Variants in LIPG observed in about 807,000 individuals in gnomAD.
The protein encoded by LIPG is lipase G, endothelial type, also known as endothelial lipase.
A neutral mutation model predicts 51.8 loss-of-function variants in LIPG; 34 were observed. That is an observed-to-expected ratio of 0.66 (90% CI 0.50 to 0.87). The LOEUF is 0.87. LIPG is among the 40% of genes least tolerant of loss of function. The pLI is 0.00. For missense variants in LIPG, 580 were observed against 652.7 expected (o/e 0.89, Z 1.21); for synonymous variants, 246 against 246.1 (o/e 1.00, Z 0.00).
rs2084556248 is a variant in LIPG at position 49,562,121 on chromosome 18, T to C, written c.-188T>C. 6.9e-7 allele frequency: 1 copy of C among 1,457,612 alleles called. No homozygotes were observed. Among genetic ancestry groups the C allele is most frequent in the Admixed American group, 2.5e-5 (1 of 39,242 alleles). 90.3% of individuals were successfully genotyped at this position (1,457,612 alleles called of 1,614,324 possible). ...CAGATCTCGTTCTGGGGCAAGCCGT[T>C]GACACTCGCTCCCTGCCACCGCCCG... On this transcript the variant is annotated 5_prime_UTR_variant, in exon 1 of 10. Transcript: ENST00000261292.
At chr18:49,571,229 C>G (rs1184253686) in intron 4 of LIPG, among the ~76,000 whole-genome samples, 3 of 152,182 alleles carry the variant, frequency 2.0e-5, no homozygotes, top group Non-Finnish European at 4.4e-5. Context: ...CTTCCTAGCC[C>G]CTGAATGAGA....
At chr18:49,565,963 C>T (rs138459285) in intron 2 of LIPG, among the ~76,000 whole-genome samples, 110 of 152,336 alleles carry the variant, frequency 7.2e-4, no homozygotes, top group Middle Eastern at 3.4e-3. Flanking sequence ...TTTAAAGGCA[C>T]TGGGGCTCTT....
chr18:49,586,760 C>CA lies in LIPG; in HGVS notation c.1392dup (p.Glu465ArgfsTer4), dbSNP rs1197563708. 6.2e-7 allele frequency: 1 copy of CA among 1,613,618 alleles called. No individual in the cohort carries two copies. Among genetic ancestry groups the CA allele is most frequent in the East Asian group, 2.2e-5 (1 of 44,894 alleles). ...TTCCCTCCTAGACTGACATTTTGTA[C>CA]AGAAGACCCTGAGAACACCAGCATA... On this transcript the variant is annotated frameshift_variant, in exon 9 of 10. Coordinates refer to ENST00000261292, the MANE Select transcript of LIPG (RefSeq NM_006033.4). LOFTEE classifies it high-confidence loss of function.
Position 49,575,475 on chromosome 18 carries a change from C to T in LIPG, c.678C>T (p.Phe226=), listed in dbSNP as rs578235397. The part of the protein sequence containing the change: ...VDVLHTYTRS[F]GLSIGIQMPV... ...TCCTCCACACCTACACGCGTTCCTT[C>T]GGCTTGAGCATTGGTATTCAGATGC... Residue 226 remains phenylalanine, a synonymous_variant, in exon 5 of 10, where the codon TTC becomes TTT. Coordinates refer to ENST00000261292, the MANE Select transcript of LIPG (RefSeq NM_006033.4). The T allele has an allele frequency of 1.2e-5, 19 of 1,614,220 alleles. No individual in the cohort carries two copies. The Admixed American group carries it at 1.5e-4, about 13-fold the overall frequency.
At chr18:49,567,827 T>C in intron 3 of LIPG, 1 of 569,024 alleles carries the variant, frequency 1.8e-6, no homozygotes, top group Admixed American at 3.4e-5. Flanking sequence ...GATAGATCTC[T>C]GGATTTTTCC....
At position 49,562,098 on chromosome 18, in the gene LIPG, G is replaced by A; in HGVS notation, c.-211G>A. On this transcript the variant is annotated 5_prime_UTR_variant, in exon 1 of 10. Transcript: ENST00000261292. ...CTCCCGGCGGCTCAGGACGAGGGCA[G>A]ATCTCGTTCTGGGGCAAGCCGTTGA... is the stretch of plus-strand genomic sequence containing the variant. The A allele has an allele frequency of 6.9e-7, 1 of 1,449,554 alleles. No individual in the cohort carries two copies. Among genetic ancestry groups the A allele is most frequent in the Non-Finnish European group, 9.0e-7 (1 of 1,109,842 alleles). The allele number at this position is 1,449,554 out of a possible 1,614,324, so 89.8% of individuals were successfully genotyped here. A position where few individuals can be genotyped will look rare whatever the true frequency, so the allele number is the denominator to read the frequency against.
chr18:49,574,101 C>T (rs2084691058), intron 4 of LIPG, among the ~76,000 whole-genome samples: 1 of 152,206 alleles, frequency 6.6e-6, no homozygotes, highest in Non-Finnish European at 1.5e-5. Flanking sequence ...AGCGGCCCTT[C>T]CTTCCTGGCA....
chr18:49,562,057 A>T lies in LIPG; in HGVS notation c.-252A>T. ...AAAACTACCTCTATAGGAGCGTGAC[A>T]GCAGCGAGTCCTTGCCTCCCGGCGG... is the stretch of plus-strand genomic sequence containing the variant. On this transcript the variant is annotated 5_prime_UTR_variant, in exon 1 of 10. Transcript: ENST00000261292. 6.9e-7 allele frequency: 1 copy of T among 1,439,882 alleles called. No homozygotes were observed. Among genetic ancestry groups the T allele is most frequent in the Non-Finnish European group, 9.1e-7 (1 of 1,104,900 alleles). The allele number at this position is 1,439,882 out of a possible 1,614,324, so 89.2% of individuals were successfully genotyped here. A position where few individuals can be genotyped will look rare whatever the true frequency, so the allele number is the denominator to read the frequency against.
chr18:49,561,557 G>C, upstream of LIPG: 1 of 706,328 alleles, frequency 1.4e-6, no homozygotes, highest in Non-Finnish European at 2.0e-6. Context: ...TGCGGCCCTC[G>C]CTAGGCGGGA....
At chr18:49,564,227 A>G (rs1305810605) in intron 1 of LIPG, among the ~76,000 whole-genome samples, 1 of 152,032 alleles carries the variant, frequency 6.6e-6, no homozygotes, top group Admixed American at 6.6e-5. Flanking sequence ...TAACTCCAAG[A>G]TGGTCATTTG....
At chr18:49,561,775 AG>A, upstream of LIPG, 2 of 1,251,174 alleles carry the variant, frequency 1.6e-6, no homozygotes, top group Non-Finnish European at 2.0e-6. Flanking sequence ...CAGTGGGGAG[AG>A]GAGGATCTGG....
At position 49,575,359 on chromosome 18, in the gene LIPG, T is replaced by C. The variant is rs368834078; in HGVS notation, c.572-10T>C. 3.7e-5 allele frequency: 59 copies of C among 1,611,678 alleles called. No individual in the cohort carries two copies. The highest frequency in any genetic ancestry group is 4.1e-5 in the Non-Finnish European group (48 of 1,179,776). ...CACCACAGCTGTTTTGGGGCCTCCT[T>C]CTGCTGCAGGTTTGGATCCTGCCGG... On this transcript the variant is annotated splice_polypyrimidine_tract_variant and intron_variant, in intron 4 of 9. Transcript: ENST00000261292.
intron 9 of LIPG, among the ~76,000 whole-genome samples, chr18:49,587,555 T>C (rs1424022482): frequency 4.2e-4 from 45 of 107,600 alleles, no homozygotes; most frequent in African/African-American, 1.7e-3. Flanking sequence ...GGTGACAGAG[T>C]GAGACTCCGT....
chr18:49,578,869 AGGCGTGGTGGCGCGTGCCTGCAATCGC>A (rs2084765988), intron 5 of LIPG, among the ~76,000 whole-genome samples: 2 of 137,522 alleles, frequency 1.5e-5, no homozygotes, highest in Non-Finnish European at 3.1e-5. Flanking sequence ...AAAACCAGTC[AGGCGTGGTGGCGCGTGCCTGCAATCGC>A]AGGCACTCGG....
chr18:49,564,872 C>G (rs1190913159), intron 1 of LIPG, among the ~76,000 whole-genome samples: 3 of 152,148 alleles, frequency 2.0e-5, no homozygotes, highest in Non-Finnish European at 4.4e-5. Context: ...GGGGAATAGC[C>G]CAGGCCCCAC....
Position 49,598,289 on chromosome 18 carries a change from G to A in LIPG, c.*7767G>A, listed in dbSNP as rs1445387789. 6.6e-6 allele frequency: 1 copy of A among 152,390 alleles called. No individual in the cohort carries two copies. The highest frequency in any genetic ancestry group is 2.4e-5 in the African/African-American group (1 of 41,420). 9.4% of individuals were successfully genotyped at this position (152,390 alleles called of 1,614,324 possible). A position where few individuals can be genotyped will look rare whatever the true frequency, so the allele number is the denominator to read the frequency against. ...TGCTCACTGCAGCCTCGACCTCCTG[G>A]GCTCAAGCAGTCCTCCCACTTCAGC... On this transcript the variant is annotated 3_prime_UTR_variant, in exon 10 of 10. Transcript: ENST00000261292.
Position 49,591,578 on chromosome 18 carries a change from C to G in LIPG, c.*1056C>G, listed in dbSNP as rs961285849. 3 of 152,222 alleles carry G rather than the reference C, an allele frequency of 2.0e-5. No individual in the cohort carries two copies. The South Asian group carries it at 6.2e-4, about 32-fold the overall frequency. 9.4% of individuals were successfully genotyped at this position (152,222 alleles called of 1,614,324 possible). On this transcript the variant is annotated 3_prime_UTR_variant, in exon 10 of 10. Coordinates refer to ENST00000261292, the MANE Select transcript of LIPG (RefSeq NM_006033.4). ...TACACAGAAACCGGCACCTGCCAGA[C>G]AGAGCTGGTTCTAAGATTTAATACA...
chr18:49,577,685 CAGGCGGG>C (rs1378678844), intron 5 of LIPG, among the ~76,000 whole-genome samples: 13 of 95,702 alleles, frequency 1.4e-4, no homozygotes, highest in African/African-American at 5.8e-4. Context: ...CACGGCTGGC[CAGGCGGG>C]GGGCTGACCC....
At chr18:49,581,141 T>A (rs2084814097) in intron 5 of LIPG, among the ~76,000 whole-genome samples, 1 of 152,108 alleles carries the variant, frequency 6.6e-6, no homozygotes, top group South Asian at 2.1e-4. Context: ...GTGCCTGTCG[T>A]CCCAGATACT....
Sources: gnomAD v4.1 joint callset for allele counts (sites outside exome capture counted in the v4.1 genomes callset) on GRCh38, gnomAD v4.1.1 for gene constraint, MANE v1.5 for transcripts, NCBI Gene and HGNC (gene_info 2026-07-23, HGNC 2026-07-21) for gene names.